MAGI2: variants seen among roughly 807,000 people sequenced by gnomAD.
The protein encoded by MAGI2 is membrane associated guanylate kinase, WW and PDZ domain containing 2.
MAGI2 carries 35 observed loss-of-function variants against 133.3 expected under a neutral mutation model. That is an observed-to-expected ratio of 0.26 (90% CI 0.20 to 0.35). The LOEUF (loss-of-function observed/expected upper bound fraction) is 0.35. Ranked by LOEUF, MAGI2 falls within the 10% of genes least tolerant of loss-of-function variation. The pLI is 1.00. For synonymous variants in MAGI2, 729 were observed against 710.6 expected (o/e 1.03, Z -0.41); for missense variants, 1,636 against 1,863.4 (o/e 0.88, Z 2.25).
At chr7:78,377,944 T>C (rs1194783107) in intron 6 of MAGI2, among the ~76,000 whole-genome samples, 1 of 151,200 alleles carries the variant, frequency 6.6e-6, no homozygotes, top group African/African-American at 2.4e-5. Context: ...AAAAACAAAA[T>C]TGCAAACAAG....
chr7:78,401,988 T>C (rs1341360414), intron 6 of MAGI2, among the ~76,000 whole-genome samples: 2 of 152,124 alleles, frequency 1.3e-5, no homozygotes, highest in Non-Finnish European at 2.9e-5. Flanking sequence ...ATTCAACCTC[T>C]AGAGTGCAGA....
At chr7:78,652,009 G>A (rs569798144) in intron 2 of MAGI2, among the ~76,000 whole-genome samples, 2 of 152,180 alleles carry the variant, frequency 1.3e-5, no homozygotes, top group East Asian at 1.9e-4. Flanking sequence ...GGTTGTATAT[G>A]TATATACTTC....
chr7:78,522,650 G>A (rs1269783599), intron 3 of MAGI2, among the ~76,000 whole-genome samples: 2 of 152,162 alleles, frequency 1.3e-5, no homozygotes, highest in African/African-American at 4.8e-5. Context: ...AAAGTGCTGG[G>A]ATTACAGGCA....
At chr7:79,276,161 G>C (rs1250136636) in intron 1 of MAGI2, among the ~76,000 whole-genome samples, 1 of 152,148 alleles carries the variant, frequency 6.6e-6, no homozygotes, top group African/African-American at 2.4e-5. Flanking sequence ...AAGTAAAATT[G>C]AAAACTTTCT....
chr7:78,694,358 A>G (rs1817277971), intron 2 of MAGI2, among the ~76,000 whole-genome samples: 1 of 152,236 alleles, frequency 6.6e-6, no homozygotes, highest in African/African-American at 2.4e-5. Flanking sequence ...CTTTTAAACC[A>G]GGTGGAATCC....
intron 21 of MAGI2, chr7:78,072,849 C>T: frequency 5.0e-6 from 2 of 398,306 alleles, no homozygotes; most frequent in Non-Finnish European, 8.8e-6. Flanking sequence ...TTTGTAGAGA[C>T]AAGGTCTCCC....
chr7:79,255,846 A>G (rs912402030), intron 1 of MAGI2, among the ~76,000 whole-genome samples: 18 of 152,204 alleles, frequency 1.2e-4, no homozygotes, highest in Admixed American at 2.6e-4. Context: ...TACTCATTAT[A>G]TGAAATTTAC....
At chr7:78,169,617 A>C (rs531735519) in intron 14 of MAGI2, among the ~76,000 whole-genome samples, 1 of 152,296 alleles carries the variant, frequency 6.6e-6, no homozygotes, top group South Asian at 2.1e-4. Flanking sequence ...CTCTCTTTCT[A>C]CATAGGAATG....
intron 1 of MAGI2, among the ~76,000 whole-genome samples, chr7:79,105,648 C>A (rs1818389214): frequency 6.6e-6 from 1 of 152,164 alleles, no homozygotes; most frequent in Admixed American, 6.5e-5. Context: ...TAAAAATAAT[C>A]TTAATGTTAG....
chr7:78,710,195 C>T (rs1404315800), intron 2 of MAGI2, among the ~76,000 whole-genome samples: 2 of 152,030 alleles, frequency 1.3e-5, no homozygotes, highest in African/African-American at 4.8e-5. Context: ...AGATTACACA[C>T]ATTCTACTAA....
intron 2 of MAGI2, among the ~76,000 whole-genome samples, chr7:78,643,548 T>C (rs1247342064): frequency 6.6e-6 from 1 of 152,114 alleles, no homozygotes; most frequent in Admixed American, 6.6e-5. Flanking sequence ...ATCTATTTCA[T>C]CATCCTGGAG....
intron 1 of MAGI2, among the ~76,000 whole-genome samples, chr7:79,221,757 T>C (rs192681823): frequency 6.6e-6 from 1 of 152,136 alleles, no homozygotes; most frequent in East Asian, 1.9e-4. Context: ...AACTTAATTT[T>C]ATAGTTTTAG....
chr7:78,921,053 T>C (rs915003388), intron 2 of MAGI2, among the ~76,000 whole-genome samples: 1 of 152,124 alleles, frequency 6.6e-6, no homozygotes, highest in African/African-American at 2.4e-5. Context: ...GATTGTCTAT[T>C]CTTGACATTC....
intron 2 of MAGI2, among the ~76,000 whole-genome samples, chr7:78,657,484 C>T (rs1812431159): frequency 6.6e-6 from 1 of 152,022 alleles, no homozygotes; most frequent in Non-Finnish European, 1.5e-5. Context: ...ATATTTAGTG[C>T]TAAAAAGAAA....
chr7:79,315,040 A>AT (rs1838596412), intron 1 of MAGI2, among the ~76,000 whole-genome samples: 1 of 152,082 alleles, frequency 6.6e-6, no homozygotes, highest in African/African-American at 2.4e-5. Flanking sequence ...TTTGAGCTGG[A>AT]TTTTCTATCA....
chr7:79,004,908 C>T (rs1189500263), intron 2 of MAGI2, among the ~76,000 whole-genome samples: 1 of 151,928 alleles, frequency 6.6e-6, no homozygotes, highest in Non-Finnish European at 1.5e-5. Context: ...CATGGATAAA[C>T]CCCGTCTCTA....
intron 1 of MAGI2, among the ~76,000 whole-genome samples, chr7:79,373,926 G>A (rs527915694): frequency 6.6e-6 from 1 of 152,034 alleles, no homozygotes; most frequent in Admixed American, 6.6e-5. Flanking sequence ...TTATCAACAG[G>A]ACAATTTCTT....
At chr7:78,428,991 A>C (rs1276674853) in intron 6 of MAGI2, among the ~76,000 whole-genome samples, 1 of 152,174 alleles carries the variant, frequency 6.6e-6, no homozygotes, top group Non-Finnish European at 1.5e-5. Flanking sequence ...TACTAACAAA[A>C]AGTTAGTGAC....
chr7:79,120,341 T>C (rs1819779171), intron 1 of MAGI2, among the ~76,000 whole-genome samples: 1 of 152,040 alleles, frequency 6.6e-6, no homozygotes, highest in African/African-American at 2.4e-5. Flanking sequence ...TCATTGGGAA[T>C]TTGCAAATAC....
Sources: gnomAD v4.1 joint callset for allele counts (sites outside exome capture counted in the v4.1 genomes callset) on GRCh38, gnomAD v4.1.1 for gene constraint, MANE v1.5 for transcripts, NCBI Gene and HGNC (gene_info 2026-07-23, HGNC 2026-07-21) for gene names.